Variants in DLG2 observed in about 807,000 individuals in gnomAD.
DLG2 encodes discs large MAGUK scaffold protein 2.
In DLG2, 45 loss-of-function variants were observed where a neutral mutation model predicts 132.5. The ratio of observed to expected loss-of-function variants is 0.34; its 90% CI spans 0.27 to 0.44. DLG2 has a LOEUF of 0.44. Among genes scored for constraint, DLG2 ranks in the 20% least tolerant of loss-of-function variants. The pLI is 1.00. For missense variants in DLG2, 1,045 were observed against 1,196.9 expected (o/e 0.87, Z 1.87); for synonymous variants, 424 against 419.6 (o/e 1.01, Z -0.13).
At chr11:83,954,992 A>T (rs925346368) in intron 14 of DLG2, among the ~76,000 whole-genome samples, 3 of 151,264 alleles carry the variant, frequency 2.0e-5, no homozygotes, top group African/African-American at 4.8e-5. Flanking sequence ...GCAGCTGCGT[A>T]ATATTGTTGG....
At chr11:84,194,214 T>G (rs893668477) in intron 8 of DLG2, among the ~76,000 whole-genome samples, 1 of 152,206 alleles carries the variant, frequency 6.6e-6, no homozygotes, top group African/African-American at 2.4e-5. Context: ...TCCTTTTGTG[T>G]CCAGAATTGG....
intron 3 of DLG2, among the ~76,000 whole-genome samples, chr11:85,316,568 G>A (rs986804676): frequency 6.6e-6 from 1 of 151,860 alleles, no homozygotes; most frequent in Non-Finnish European, 1.5e-5. Flanking sequence ...AAAGAAGGAA[G>A]AATGTGTCTT....
At position 84,241,975 on chromosome 11, in the gene DLG2, C is replaced by A. The variant is rs1252573280; in HGVS notation, c.573+9263G>T. On this transcript the variant is annotated intron_variant, in intron 8 of 27. Coordinates refer to ENST00000376104, the MANE Select transcript of DLG2 (RefSeq NM_001142699.3). ...AGTTCACAGACTGCACCTTGAGCAGCTTTATGCTTGAGAAGCTACACAAAT... is the reference window on the plus strand; with the variant it reads ...AGTTCACAGACTGCACCTTGAGCAGATTTATGCTTGAGAAGCTACACAAAT... 3.9e-5 allele frequency among the ~76,000 whole-genome samples: 6 copies of A among 152,198 alleles called. No individual in the cohort carries two copies. In the South Asian group the frequency reaches 8.3e-4, roughly 21 times the overall value.
chr11:85,358,902 G>T (rs1182634616), intron 3 of DLG2, among the ~76,000 whole-genome samples: 1 of 152,024 alleles, frequency 6.6e-6, no homozygotes, highest in Non-Finnish European at 1.5e-5. Context: ...TTTCCTCACA[G>T]CTAATTACTT....
chr11:83,634,655 A>G (rs1223423225), intron 18 of DLG2, among the ~76,000 whole-genome samples: 1 of 152,164 alleles, frequency 6.6e-6, no homozygotes, highest in Non-Finnish European at 1.5e-5. Flanking sequence ...AAGATGATCT[A>G]CTTACAGAGT....
intron 19 of DLG2, among the ~76,000 whole-genome samples, chr11:83,604,577 T>C (rs186353762): frequency 1.3e-5 from 2 of 152,298 alleles, no homozygotes; most frequent in South Asian, 2.1e-4. Flanking sequence ...TGGATACATG[T>C]CATTATACAT....
chr11:84,241,022 C>T (rs377319772), intron 8 of DLG2, among the ~76,000 whole-genome samples: 1 of 152,212 alleles, frequency 6.6e-6, no homozygotes, highest in Non-Finnish European at 1.5e-5. Context: ...AAACTCAGGA[C>T]ATGTGAGTTG....
chr11:84,344,199 C>T (rs535233036), intron 7 of DLG2, among the ~76,000 whole-genome samples: 7 of 152,178 alleles, frequency 4.6e-5, no homozygotes, highest in East Asian at 1.9e-4. Flanking sequence ...GTAAAGTGAC[C>T]GAGCCAACAG....
At chr11:83,933,707 C>T (rs2080849914) in intron 14 of DLG2, among the ~76,000 whole-genome samples, 2 of 150,282 alleles carry the variant, frequency 1.3e-5, no homozygotes, top group South Asian at 4.2e-4. Context: ...TGCTCCTTCC[C>T]ATTTGGACCA....
intron 2 of DLG2, among the ~76,000 whole-genome samples, chr11:85,613,402 T>A (rs966437596): frequency 3.9e-5 from 6 of 152,120 alleles, no homozygotes; most frequent in African/African-American, 1.4e-4. Flanking sequence ...CAGCAGAAAG[T>A]AGCTAGAGCA....
chr11:83,821,322 C>T (rs961496006), intron 17 of DLG2, among the ~76,000 whole-genome samples: 4 of 152,106 alleles, frequency 2.6e-5, no homozygotes, highest in Non-Finnish European at 5.9e-5. Flanking sequence ...CTGTTGAGAG[C>T]GGTCATTGCA....
intron 7 of DLG2, among the ~76,000 whole-genome samples, chr11:84,411,783 C>A (rs896343876): frequency 5.3e-5 from 8 of 152,146 alleles, no homozygotes; most frequent in Non-Finnish European, 1.2e-4. Flanking sequence ...CATTATCATG[C>A]CACAGTTATT....
At chr11:83,529,245 T>C (rs1310945921) in intron 21 of DLG2, among the ~76,000 whole-genome samples, 1 of 152,172 alleles carries the variant, frequency 6.6e-6, no homozygotes, top group Non-Finnish European at 1.5e-5. Flanking sequence ...CCTGCATCAA[T>C]GACTTATTCC....
At chr11:85,250,189 A>G (rs1315407481) in intron 4 of DLG2, among the ~76,000 whole-genome samples, 1 of 152,166 alleles carries the variant, frequency 6.6e-6, no homozygotes, top group East Asian at 1.9e-4. Context: ...ACAAAATTCT[A>G]AAGTCAAGTA....
At chr11:85,091,682 G>A (rs2068805193) in intron 6 of DLG2, among the ~76,000 whole-genome samples, 1 of 152,166 alleles carries the variant, frequency 6.6e-6, no homozygotes, top group South Asian at 2.1e-4. Context: ...AGTAAATTTT[G>A]TCTCAAAAAA....
chr11:84,501,267 T>A lies in DLG2; in HGVS notation c.519+33303A>T, dbSNP rs527583747. Among the ~76,000 whole-genome samples, 9 of 152,340 alleles carry A rather than the reference T, an allele frequency of 5.9e-5. No homozygotes were observed. In the East Asian group the frequency reaches 1.7e-3, roughly 29 times the overall value. Reference sequence around the variant, plus strand: ...TTTCCTAAGTAGATTCTGAAATGTTTACATAAGAAATAGTAGGCCAGGCTC... The same window carrying A: ...TTTCCTAAGTAGATTCTGAAATGTTAACATAAGAAATAGTAGGCCAGGCTC... On this transcript the variant is annotated intron_variant, in intron 7 of 27. Transcript: ENST00000376104.
At chr11:85,612,147 TG>T (rs1230194423) in intron 2 of DLG2, among the ~76,000 whole-genome samples, 1 of 152,232 alleles carries the variant, frequency 6.6e-6, no homozygotes. Flanking sequence ...AATTGATAAT[TG>T]AAGGTCTTCT....
chr11:84,698,080 A>C (rs1447202032), intron 6 of DLG2, among the ~76,000 whole-genome samples: 1 of 151,498 alleles, frequency 6.6e-6, no homozygotes, highest in Non-Finnish European at 1.5e-5. Context: ...GAAATTCTTA[A>C]TTATTCTAAA....
chr11:84,204,376 C>T (rs187578190), intron 8 of DLG2, among the ~76,000 whole-genome samples: 62 of 152,138 alleles, frequency 4.1e-4, no homozygotes, highest in Non-Finnish European at 7.2e-4. Context: ...TGGCAGGGCA[C>T]GGTATTGATT....
Sources: gnomAD v4.1 joint callset for allele counts (sites outside exome capture counted in the v4.1 genomes callset) on GRCh38, gnomAD v4.1.1 for gene constraint, MANE v1.5 for transcripts, NCBI Gene and HGNC (gene_info 2026-07-23, HGNC 2026-07-21) for gene names.